IL15: variants seen among roughly 807,000 people sequenced by gnomAD.
The protein encoded by IL15 is interleukin 15, also known as interleukin-15.
A neutral mutation model predicts 19.6 loss-of-function variants in IL15; 11 were observed. That is an observed-to-expected ratio of 0.56 (90% CI 0.35 to 0.93). The LOEUF is 0.93. Ranked by LOEUF, IL15 falls within the 40% of genes least tolerant of loss-of-function variation. The pLI is 0.01. For missense variants in IL15, 197 were observed against 186.5 expected (o/e 1.06, Z -0.33); for synonymous variants, 58 against 59.6 (o/e 0.97, Z 0.12).
rs1730500685 is a variant in IL15 at position 141,732,948 on chromosome 4, CA to C, written c.*102del. On this transcript the variant is annotated 3_prime_UTR_variant, in exon 8 of 8. Coordinates refer to ENST00000320650, the MANE Select transcript of IL15 (RefSeq NM_000585.5). ...CGGCATTTCAAATGTGCTGTCAAAA[CA>C]AGTTTTTCTGTCAAGAAGATGATCA... is the stretch of plus-strand genomic sequence containing the variant. 28 of 1,482,892 alleles carry C rather than the reference CA, an allele frequency of 1.9e-5. No individual in the cohort carries two copies. The highest frequency in any genetic ancestry group is 2.5e-5 in the Non-Finnish European group (28 of 1,121,714). 91.9% of individuals were successfully genotyped at this position (1,482,892 alleles called of 1,614,324 possible).
intron 2 of IL15, chr4:141,704,616 T>A (rs1219108166): frequency 2.6e-6 from 1 of 387,778 alleles, no homozygotes; most frequent in Admixed American, 2.8e-5. Context: ...TTGAGGAGAA[T>A]TGGTGTTAGT....
At chr4:141,716,739 C>G (rs941316295) in intron 2 of IL15, 1 of 152,332 alleles carries the variant, frequency 6.6e-6, no homozygotes. Context: ...CCCATGACAG[C>G]TGAAGAATAG....
At chr4:141,729,142 AT>A (rs954745750) in intron 6 of IL15, among the ~76,000 whole-genome samples, 17 of 151,946 alleles carry the variant, frequency 1.1e-4, no homozygotes, top group African/African-American at 3.9e-4. Context: ...GTATTCCTTC[AT>A]TTTTTTTATC....
At chr4:141,684,317 A>G (rs1408684319) in intron 2 of IL15, among the ~76,000 whole-genome samples, 2 of 152,094 alleles carry the variant, frequency 1.3e-5, no homozygotes, top group Non-Finnish European at 2.9e-5. Flanking sequence ...TTTATCTAAT[A>G]GGTAAACGAC....
chr4:141,729,902 C>T lies in IL15; in HGVS notation c.296C>T (p.Ser99Leu), dbSNP rs1245399626. The T allele has an allele frequency of 6.3e-7, 1 of 1,579,344 alleles. No homozygotes were observed. The change falls in exon 7 of 8, where the codon TCA becomes TTA. Residue 99 changes from serine to leucine, a missense_variant. Ser to Leu is a moderately radical substitution (Grantham distance 145). Transcript: ENST00000320650. ...KCFLLELQVI[S>L]LESGDASIHD... ...TTTCTCTTGGAGTTACAAGTTATTT[C>T]ACTTGAGTCCGGAGATGCAAGTATT...
intron 2 of IL15, among the ~76,000 whole-genome samples, chr4:141,697,112 A>G (rs867793663): frequency 6.6e-6 from 1 of 151,868 alleles, no homozygotes; most frequent in African/African-American, 2.4e-5. Context: ...AGTTTTCCCA[A>G]TGTTGTCTTC....
intron 1 of IL15, among the ~76,000 whole-genome samples, chr4:141,654,058 G>A (rs940597066): frequency 6.6e-6 from 1 of 152,194 alleles, no homozygotes; most frequent in African/African-American, 2.4e-5. Context: ...AGGTTCTTGG[G>A]AAGCAGACTG....
At chr4:141,693,474 A>G (rs778455725) in intron 2 of IL15, among the ~76,000 whole-genome samples, 4 of 152,226 alleles carry the variant, frequency 2.6e-5, no homozygotes, top group Non-Finnish European at 5.9e-5. Context: ...TATTCAGTAA[A>G]TATCTGCTGA....
intron 2 of IL15, among the ~76,000 whole-genome samples, chr4:141,694,139 T>G (rs1465088911): frequency 6.6e-6 from 1 of 152,208 alleles, no homozygotes; most frequent in Admixed American, 6.5e-5. Flanking sequence ...ACAGAGCAGA[T>G]GGACACAGAT....
chr4:141,666,631 A>T (rs1579002339), intron 2 of IL15, among the ~76,000 whole-genome samples: 1 of 150,146 alleles, frequency 6.7e-6, no homozygotes. Context: ...GGCGTGACCC[A>T]CCCCACCTGG....
intron 2 of IL15, among the ~76,000 whole-genome samples, chr4:141,683,754 A>T (rs528718919): frequency 6.6e-6 from 1 of 152,190 alleles, no homozygotes; most frequent in Non-Finnish European, 1.5e-5. Context: ...TTAGAATAAC[A>T]GTTATTTGAA....
chr4:141,727,795 T>C, intron 5 of IL15, 145 bp from the exon 6 acceptor site: 3 of 594,344 alleles, frequency 5.0e-6, no homozygotes, highest in Non-Finnish European at 8.8e-6. Flanking sequence ...TCTCTCTGTA[T>C]TTACTCTTAC....
intron 2 of IL15, among the ~76,000 whole-genome samples, chr4:141,659,391 C>T (rs1199569795): frequency 2.6e-5 from 4 of 151,822 alleles, no homozygotes; most frequent in East Asian, 1.9e-4. Context: ...TTAGTAGAGA[C>T]GGAGTTTCAC....
intron 2 of IL15, among the ~76,000 whole-genome samples, chr4:141,665,937 T>A (rs973459747): frequency 1.3e-5 from 2 of 152,150 alleles, no homozygotes; most frequent in African/African-American, 4.8e-5. Flanking sequence ...TTTAGTCTTT[T>A]GTTCTTGGTT....
chr4:141,710,019 A>G (rs1729660763), intron 2 of IL15, among the ~76,000 whole-genome samples: 1 of 152,206 alleles, frequency 6.6e-6, no homozygotes, highest in African/African-American at 2.4e-5. Context: ...AAATCACTAA[A>G]AATCATTATT....
chr4:141,726,266 T>C (rs1379856499), intron 5 of IL15, among the ~76,000 whole-genome samples: 2 of 151,968 alleles, frequency 1.3e-5, no homozygotes, highest in African/African-American at 4.8e-5. Context: ...GCACACAGAT[T>C]GGAAAGGAAA....
At chr4:141,730,039 G>A (rs1249461029) in intron 7 of IL15, 55 bp downstream of exon 7, 21 of 1,408,814 alleles carry the variant, frequency 1.5e-5, no homozygotes, top group Non-Finnish European at 2.0e-5. Flanking sequence ...GCCTGATTTG[G>A]AGAAGTCATT....
chr4:141,637,623 A>G (rs1726902598), intron 1 of IL15, among the ~76,000 whole-genome samples: 1 of 152,186 alleles, frequency 6.6e-6, no homozygotes, highest in African/African-American at 2.4e-5. Context: ...ACTTTATGTA[A>G]TTCCATGCAT....
At chr4:141,693,016 C>CA (rs70949131) in intron 2 of IL15, among the ~76,000 whole-genome samples, 275 of 23,190 alleles carry the variant, frequency 0.012, 37 homozygotes, top group Middle Eastern at 0.1. Context: ...GACTCCGTCT[C>CA]AAAAAAAAAA....
Sources: gnomAD v4.1 joint callset for allele counts (sites outside exome capture counted in the v4.1 genomes callset) on GRCh38, gnomAD v4.1.1 for gene constraint, MANE v1.5 for transcripts, NCBI Gene and HGNC (gene_info 2026-07-23, HGNC 2026-07-21) for gene names.